Variants in SUSD1 observed in about 807,000 individuals in gnomAD.
SUSD1 encodes sushi domain-containing protein 1.
SUSD1 carries 65 observed loss-of-function variants against 86.9 expected under a neutral mutation model. That is an observed-to-expected ratio of 0.75 (90% CI 0.61 to 0.92). The LOEUF (loss-of-function observed/expected upper bound fraction) is 0.92, where lower values mean the gene tolerates loss of function less well. Ranked by LOEUF, SUSD1 falls within the 40% of genes least tolerant of loss-of-function variation. The probability of loss-of-function intolerance (pLI) is 0.00; values close to 1 mark genes in which losing one functional copy is unlikely to be tolerated. For synonymous variants in SUSD1, 346 were observed against 350.0 expected, an observed-to-expected ratio of 0.99 and a Z score of 0.13; for missense variants, 850 against 929.7, an observed-to-expected ratio of 0.91 and a Z score of 1.11.
At chr9:112,102,558 A>C (rs148852018) in intron 8 of SUSD1, among the ~76,000 whole-genome samples, 1 of 152,350 alleles carries the variant, frequency 6.6e-6, no homozygotes, top group East Asian at 1.9e-4. Flanking sequence ...CTGCTTAATC[A>C]AATGAAATAT....
chr9:112,079,021 C>T (rs1829651995), intron 11 of SUSD1, among the ~76,000 whole-genome samples: 1 of 151,734 alleles, frequency 6.6e-6, no homozygotes, highest in Non-Finnish European at 1.5e-5. Flanking sequence ...GCCATGTTGC[C>T]CAGGCTGGTC....
At chr9:112,155,998 AAG>A (rs1358390572) in intron 2 of SUSD1, among the ~76,000 whole-genome samples, 5 of 151,304 alleles carry the variant, frequency 3.3e-5, no homozygotes, top group African/African-American at 1.2e-4. Flanking sequence ...GAAAGAGAGA[AAG>A]AAAGAAAGAG....
At position 112,113,188 on chromosome 9, in the gene SUSD1, C is replaced by A. The variant is rs1831175295; in HGVS notation, c.887-320G>T. ...TCCACTCTGGTAGAATGGAATGAGG[C>A]CCAGAGCTGGGTCCTCAGTGAGACC... On this transcript the variant is annotated intron_variant, in intron 6 of 16. Coordinates refer to ENST00000374270, the MANE Select transcript of SUSD1 (RefSeq NM_022486.5). This position sits in a 1 kb window ranked among gnomAD's most constrained non-coding sequence, Gnocchi z 4.1. Among the ~76,000 whole-genome samples the A allele has an allele frequency of 6.6e-6, 1 of 152,126 alleles. No individual in the cohort carries two copies. The highest frequency in any genetic ancestry group is 6.5e-5 in the Admixed American group (1 of 15,274).
intron 1 of SUSD1, among the ~76,000 whole-genome samples, chr9:112,164,761 G>A (rs777329879): frequency 2.6e-5 from 4 of 152,074 alleles, no homozygotes; most frequent in African/African-American, 4.8e-5. Flanking sequence ...TGGCTAACAC[G>A]GTGAAACCCC....
chr9:112,081,592 G>A (rs189223476), intron 10 of SUSD1, among the ~76,000 whole-genome samples: 2 of 152,298 alleles, frequency 1.3e-5, no homozygotes, highest in Admixed American at 1.3e-4. Flanking sequence ...TATTTAAACA[G>A]TTCTAGACTA....
At chr9:112,168,553 A>G (rs1280688626) in intron 1 of SUSD1, among the ~76,000 whole-genome samples, 1 of 152,168 alleles carries the variant, frequency 6.6e-6, no homozygotes, top group Non-Finnish European at 1.5e-5. Flanking sequence ...CTCACTCTTT[A>G]CTTCAATACA....
chr9:112,055,479 C>T (rs139872107), intron 14 of SUSD1, among the ~76,000 whole-genome samples: 53 of 152,026 alleles, frequency 3.5e-4, no homozygotes, highest in African/African-American at 1.1e-3. Flanking sequence ...AATAGGATGC[C>T]TATTATAAGA....
intron 12 of SUSD1, among the ~76,000 whole-genome samples, chr9:112,064,867 C>G (rs1439659631): frequency 7.6e-5 from 11 of 144,624 alleles, no homozygotes; most frequent in African/African-American, 2.8e-4. Flanking sequence ...CAGAGTGAGA[C>G]TCTGTCTCAG....
intron 8 of SUSD1, among the ~76,000 whole-genome samples, chr9:112,108,137 G>A (rs754593810): frequency 6.6e-6 from 1 of 152,030 alleles, no homozygotes; most frequent in African/African-American, 2.4e-5. Context: ...TATTCAAAGG[G>A]GAAATCAGAA....
intron 15 of SUSD1, among the ~76,000 whole-genome samples, chr9:112,050,283 C>T (rs1002081777): frequency 6.6e-6 from 1 of 152,192 alleles, no homozygotes; most frequent in Non-Finnish European, 1.5e-5. Context: ...GAGGGGCCCT[C>T]ACTGCCTGGT....
intron 15 of SUSD1, among the ~76,000 whole-genome samples, chr9:112,051,416 T>C (rs1186434404): frequency 2.5e-4 from 29 of 115,912 alleles, no homozygotes; most frequent in African/African-American, 9.3e-4. Flanking sequence ...TTCTTTTTTT[T>C]TTTTTTTTTT....
At chr9:112,068,284 ATAGAACT>A (rs1404088494) in intron 12 of SUSD1, among the ~76,000 whole-genome samples, 1 of 152,186 alleles carries the variant, frequency 6.6e-6, no homozygotes, top group South Asian at 2.1e-4. Context: ...GCAGGGAGGG[ATAGAACT>A]ACATGGAGTT....
chr9:112,157,537 G>C lies in SUSD1; in HGVS notation c.180C>G (p.Asn60Lys). ...TCCTCCCGTTCCCTACAAATCCATA[G>C]TTGCAAATACAGATCTTCTTCCCTT... The part of the protein sequence containing the change: ...QREGKKICIC[N>K]YGFVGNGRTQ... Residue 60 changes from asparagine (N) to lysine (K), a missense_variant, in exon 2 of 17, where the codon AAC (asparagine) becomes AAG (lysine). Transcript: ENST00000374270. 6.2e-7 allele frequency: 1 copy of C among 1,614,100 alleles called. No homozygotes were observed. Among genetic ancestry groups the C allele is most frequent in the Non-Finnish European group, 8.5e-7 (1 of 1,180,002 alleles).
At chr9:112,132,982 A>G (rs2131718923) in intron 5 of SUSD1, among the ~76,000 whole-genome samples, 1 of 152,340 alleles carries the variant, frequency 6.6e-6, no homozygotes, top group South Asian at 2.1e-4. Flanking sequence ...AATGTTATAC[A>G]GCAGAAAGAA....
intron 5 of SUSD1, among the ~76,000 whole-genome samples, chr9:112,141,484 C>T (rs1215091720): frequency 2.0e-5 from 3 of 151,912 alleles, no homozygotes; most frequent in Admixed American, 6.6e-5. Flanking sequence ...CAAGACTAGC[C>T]TGGCCAACAC....
chr9:112,057,934 C>T (rs938009428), intron 14 of SUSD1, among the ~76,000 whole-genome samples: 3 of 152,158 alleles, frequency 2.0e-5, no homozygotes, highest in Admixed American at 6.5e-5. Context: ...TTGAGTTCCA[C>T]GTCTCAGGAA....
chr9:112,080,690 G>GAAAA (rs56022766), intron 10 of SUSD1, among the ~76,000 whole-genome samples: 19 of 122,158 alleles, frequency 1.6e-4, no homozygotes, highest in African/African-American at 5.7e-4. Flanking sequence ...TCTGTCTCAA[G>GAAAA]AAAAAAAAAA....
chr9:112,095,724 G>A (rs1029017082), intron 10 of SUSD1, among the ~76,000 whole-genome samples: 1 of 152,152 alleles, frequency 6.6e-6, no homozygotes, highest in Non-Finnish European at 1.5e-5. Context: ...GGATCTTTCT[G>A]GGTTTAGAGA....
At chr9:112,160,848 G>A (rs1833533982) in intron 1 of SUSD1, among the ~76,000 whole-genome samples, 1 of 152,168 alleles carries the variant, frequency 6.6e-6, no homozygotes, top group Non-Finnish European at 1.5e-5. Flanking sequence ...ATACCTGCAA[G>A]GAGTAGTTAA....
Sources: allele counts gnomAD v4.1 joint callset (sites outside exome capture counted in the v4.1 genomes callset), GRCh38; gene constraint gnomAD v4.1.1; non-coding constraint Gnocchi (gnomAD v3.1); transcripts MANE v1.5; gene names NCBI Gene and HGNC (gene_info 2026-07-23, HGNC 2026-07-21).